Variants in DNAL1 observed in about 807,000 individuals in gnomAD.
The protein encoded by DNAL1 is chromosome 14 open reading frame 168.
In DNAL1, 17 loss-of-function variants were observed where a neutral mutation model predicts 29.4. The observed-to-expected ratio is 0.58, with a 90% CI of 0.40 to 0.87. The LOEUF (loss-of-function observed/expected upper bound fraction) is 0.87, where lower values mean the gene tolerates loss of function less well. Ranked by LOEUF, DNAL1 falls within the 40% of genes least tolerant of loss-of-function variation. The probability of loss-of-function intolerance (pLI) is 0.00; values close to 1 mark genes in which losing one functional copy is unlikely to be tolerated. For synonymous variants in DNAL1, 78 were observed against 76.3 expected (o/e 1.02, Z -0.12); for missense variants, 188 against 214.1 (o/e 0.88, Z 0.76).
chr14:73,659,532 GA>G (rs767526509), intron 3 of DNAL1: 2 of 152,086 alleles, frequency 1.3e-5, no homozygotes, highest in African/African-American at 2.4e-5. Flanking sequence ...TCTTTTGGGA[GA>G]AGCTAAATAA....
At chr14:73,648,795 CTTTT>C (rs1400523830) in intron 1 of DNAL1, among the ~76,000 whole-genome samples, 3 of 151,498 alleles carry the variant, frequency 2.0e-5, no homozygotes, top group Admixed American at 1.3e-4. Context: ...TTCCATTTTT[CTTTT>C]TGTTTTCGAA....
At chr14:73,669,808 T>A (rs1340665932) in intron 4 of DNAL1, among the ~76,000 whole-genome samples, 2 of 152,174 alleles carry the variant, frequency 1.3e-5, no homozygotes, top group African/African-American at 2.4e-5. Flanking sequence ...GATATGAATT[T>A]TCCGGGGGAC....
chr14:73,698,587 G>T lies in DNAL1; in HGVS notation c.*2645G>T, dbSNP rs752083265. 6 of 152,018 alleles carry T rather than the reference G, an allele frequency of 3.9e-5. No homozygotes were observed. Among genetic ancestry groups the T allele is most frequent in the Non-Finnish European group, 8.8e-5 (6 of 68,026 alleles). 9.4% of individuals were successfully genotyped at this position (152,018 alleles called of 1,614,324 possible). On this transcript the variant is annotated 3_prime_UTR_variant, in exon 8 of 8. Transcript: ENST00000553645. ...CACTCCCGAGTAGCTGGGACCACAG[G>T]CACGTGCCATCATGCCTGGCCTATT...
chr14:73,677,864 T>TATA (rs1891778281), intron 5 of DNAL1, among the ~76,000 whole-genome samples: 1 of 130,822 alleles, frequency 7.6e-6, no homozygotes, highest in African/African-American at 3.0e-5. Flanking sequence ...GCCCATATAT[T>TATA]TATATATATA....
intron 7 of DNAL1, among the ~76,000 whole-genome samples, chr14:73,692,694 T>C (rs747098343): frequency 1.9e-4 from 29 of 152,170 alleles, no homozygotes; most frequent in Non-Finnish European, 3.4e-4. Context: ...GGACCATGTA[T>C]TGACTTCATG....
At chr14:73,691,708 C>CT (rs966001821) in intron 7 of DNAL1, among the ~76,000 whole-genome samples, 53 of 151,714 alleles carry the variant, frequency 3.5e-4, no homozygotes, top group African/African-American at 1.2e-3. Context: ...GTCTGTCATT[C>CT]TTTTTTTTAG....
chr14:73,682,787 A>G (rs796289068), intron 5 of DNAL1, among the ~76,000 whole-genome samples: 9 of 151,734 alleles, frequency 5.9e-5, no homozygotes, highest in East Asian at 5.8e-4. Context: ...AGTAACACAC[A>G]TGGAGCCACC....
intron 5 of DNAL1, among the ~76,000 whole-genome samples, chr14:73,684,030 C>G (rs1252407290): frequency 6.6e-6 from 1 of 152,166 alleles, no homozygotes; most frequent in Non-Finnish European, 1.5e-5. Flanking sequence ...TTAGATTCCA[C>G]ATATGAGTGA....
At chr14:73,685,609 G>A (rs2140056919) in intron 5 of DNAL1, among the ~76,000 whole-genome samples, 1 of 152,012 alleles carries the variant, frequency 6.6e-6, no homozygotes, top group African/African-American at 2.4e-5. Context: ...ACAGGCATGT[G>A]CCACCATGCC....
intron 1 of DNAL1, chr14:73,653,047 G>A (rs183001936): frequency 6.6e-6 from 1 of 152,280 alleles, no homozygotes; most frequent in Admixed American, 6.5e-5. Flanking sequence ...GAAGGAAGGT[G>A]TGTTCCAGAG....
intron 1 of DNAL1, 30 bp downstream of exon 1, chr14:73,645,072 G>C: frequency 6.2e-7 from 1 of 1,605,084 alleles, no homozygotes. Flanking sequence ...CGTAGCCAAA[G>C]CTGAGAGAAG....
At chr14:73,661,650 CAGG>C (rs1891361136) in intron 3 of DNAL1, among the ~76,000 whole-genome samples, 1 of 152,032 alleles carries the variant, frequency 6.6e-6, no homozygotes, top group Admixed American at 6.6e-5. Flanking sequence ...GTGGCTGAGG[CAGG>C]AGAATTGCTT....
chr14:73,658,831 T>C lies in DNAL1; in HGVS notation c.43-16T>C, dbSNP rs1891274027. 1 of 1,581,280 alleles carries C rather than the reference T, an allele frequency of 6.3e-7. No individual in the cohort carries two copies. Among genetic ancestry groups the C allele is most frequent in the Non-Finnish European group, 8.6e-7 (1 of 1,159,264 alleles). On this transcript the variant is annotated splice_polypyrimidine_tract_variant and intron_variant, in intron 2 of 7. Transcript: ENST00000553645. ...GCAATCATGGGTTATTTCTTCCAAA[T>C]GTATTTTTCTCATAGGAAGAGAAAA...
chr14:73,668,547 G>A (rs547514984), intron 4 of DNAL1, among the ~76,000 whole-genome samples: 12 of 152,174 alleles, frequency 7.9e-5, no homozygotes, highest in African/African-American at 2.2e-4. Context: ...CCACAGATTG[G>A]GTGGCTTAAA....
intron 5 of DNAL1, among the ~76,000 whole-genome samples, chr14:73,682,878 T>A (rs1045540574): frequency 1.5e-4 from 18 of 118,478 alleles, no homozygotes; most frequent in East Asian, 2.4e-4. Flanking sequence ...TATTTTTTTT[T>A]TTTTTTTTTT....
At chr14:73,650,948 A>G (rs998606848) in intron 1 of DNAL1, among the ~76,000 whole-genome samples, 3 of 152,048 alleles carry the variant, frequency 2.0e-5, no homozygotes, top group Non-Finnish European at 4.4e-5. Context: ...AGCTGCTGAG[A>G]GCTTTTAACA....
intron 4 of DNAL1, among the ~76,000 whole-genome samples, chr14:73,668,154 C>G (rs1215744981): frequency 6.6e-6 from 1 of 152,150 alleles, no homozygotes; most frequent in Non-Finnish European, 1.5e-5. Flanking sequence ...TCAACTGTTC[C>G]CAACCTCCTG....
At chr14:73,680,367 T>G (rs1027576583) in intron 5 of DNAL1, among the ~76,000 whole-genome samples, 8 of 152,202 alleles carry the variant, frequency 5.3e-5, no homozygotes, top group Non-Finnish European at 1.0e-4. Context: ...ATTTGTGAAT[T>G]GATTTGGAGA....
chr14:73,649,261 A>AC, intron 1 of DNAL1, among the ~76,000 whole-genome samples: 2 of 147,830 alleles, frequency 1.4e-5, no homozygotes, highest in East Asian at 2.0e-4. Context: ...GGCATGAGCC[A>AC]CAGTGCCCGG....
Sources: allele counts gnomAD v4.1 joint callset (sites outside exome capture counted in the v4.1 genomes callset), GRCh38; gene constraint gnomAD v4.1.1; transcripts MANE v1.5; gene names NCBI Gene and HGNC (gene_info 2026-07-23, HGNC 2026-07-21).